ADAMTS19: variants seen among roughly 807,000 people sequenced by gnomAD.
ADAMTS19 encodes A disintegrin and metalloproteinase with thrombospondin motifs 19.
ADAMTS19 carries 93 observed loss-of-function variants against 153.3 expected under a neutral mutation model. The ratio of observed to expected loss-of-function variants is 0.61; its 90% CI spans 0.51 to 0.72. The LOEUF is 0.72. Ranked by LOEUF, ADAMTS19 falls within the 30% of genes least tolerant of loss-of-function variation. The pLI is 0.00. For missense variants in ADAMTS19, 1,482 were observed against 1,552.1 expected, an observed-to-expected ratio of 0.95 and a Z score of 0.76; for synonymous variants, 600 against 556.6, an observed-to-expected ratio of 1.08 and a Z score of -1.10.
At chr5:129,505,706 G>C (rs558982968) in intron 2 of ADAMTS19, among the ~76,000 whole-genome samples, 1 of 152,070 alleles carries the variant, frequency 6.6e-6, no homozygotes, top group East Asian at 1.9e-4. Context: ...GCAAAATATG[G>C]AAATTCTTAC....
intron 15 of ADAMTS19, among the ~76,000 whole-genome samples, chr5:129,660,356 T>C (rs1753768769): frequency 6.6e-6 from 1 of 152,170 alleles, no homozygotes; most frequent in African/African-American, 2.4e-5. Flanking sequence ...TAATAAGCTT[T>C]TTCTGCCTGA....
chr5:129,634,105 G>A (rs1468068479), intron 10 of ADAMTS19, among the ~76,000 whole-genome samples: 3 of 152,160 alleles, frequency 2.0e-5, no homozygotes, highest in South Asian at 2.1e-4. Context: ...GGTTAAAGCT[G>A]CAAAGATGAT....
chr5:129,658,585 AT>A, intron 14 of ADAMTS19, 31 bp from the exon 15 acceptor site: 2 of 1,606,272 alleles, frequency 1.2e-6, no homozygotes. Flanking sequence ...GAATACTGCT[AT>A]TTATGATGTG....
In ADAMTS19 at chr5:129,460,541, C is replaced by T. The variant is rs2112859623; in HGVS notation, c.91+59C>T. 5.6e-6 allele frequency: 9 copies of T among 1,600,054 alleles called. No homozygotes were observed. The East Asian group carries it at 8.9e-5, about 16-fold the overall frequency. On this transcript the variant is annotated intron_variant, in intron 1 of 22. Transcript: ENST00000274487. ...CAGCCATCCCAGCGGAGACCGCGAA[C>T]GTACGGGTCGGCAGGGCTGGTGCAA...
chr5:129,549,385 GAGAT>G (rs1257931891), intron 6 of ADAMTS19, among the ~76,000 whole-genome samples: 2 of 151,440 alleles, frequency 1.3e-5, no homozygotes, highest in East Asian at 1.9e-4. Context: ...CAAAATGAAA[GAGAT>G]AGGACAAGCA....
intron 6 of ADAMTS19, among the ~76,000 whole-genome samples, chr5:129,540,236 G>C (rs144088514): frequency 0.013 from 1,949 of 152,110 alleles, 42 homozygotes; most frequent in African/African-American, 0.045. Flanking sequence ...TTTTAGCTCA[G>C]GGGTCAAGTT....
At position 129,620,598 on chromosome 5, in the gene ADAMTS19, T is replaced by G; in HGVS notation, c.1479-20T>G. ...ATTTACTTAGTGTAAATTTTAAAAT[T>G]TTATTATATTCCAAATCAGCATGGG... On this transcript the variant is annotated intron_variant, in intron 8 of 22. Coordinates refer to ENST00000274487, the MANE Select transcript of ADAMTS19 (RefSeq NM_133638.6). 6.6e-7 allele frequency: 1 copy of G among 1,519,660 alleles called. No individual in the cohort carries two copies. The highest frequency in any genetic ancestry group is 1.4e-5 in the South Asian group (1 of 72,610). 94.1% of individuals were successfully genotyped at this position (1,519,660 alleles called of 1,614,324 possible).
chr5:129,619,113 A>AT (rs1751663412), intron 8 of ADAMTS19, among the ~76,000 whole-genome samples: 1 of 151,958 alleles, frequency 6.6e-6, no homozygotes, highest in Non-Finnish European at 1.5e-5. Context: ...AACTGCATTA[A>AT]TGTTGATGAT....
intron 21 of ADAMTS19, among the ~76,000 whole-genome samples, chr5:129,731,736 A>G (rs1757452051): frequency 6.6e-6 from 1 of 152,132 alleles, no homozygotes; most frequent in Admixed American, 6.6e-5. Flanking sequence ...GTGACTTAGG[A>G]AAATACAGGG....
At chr5:129,502,971 A>G (rs1290750700) in intron 2 of ADAMTS19, among the ~76,000 whole-genome samples, 1 of 152,188 alleles carries the variant, frequency 6.6e-6, no homozygotes, top group Non-Finnish European at 1.5e-5. Flanking sequence ...TGGAGAAAGG[A>G]CAGGGTCTGC....
At chr5:129,631,011 A>C (rs1249421613) in intron 10 of ADAMTS19, among the ~76,000 whole-genome samples, 3 of 152,044 alleles carry the variant, frequency 2.0e-5, no homozygotes, top group Non-Finnish European at 4.4e-5. Flanking sequence ...AATGCAAATT[A>C]AAACCATAAA....
intron 13 of ADAMTS19, among the ~76,000 whole-genome samples, chr5:129,650,152 C>T (rs1428137590): frequency 1.3e-5 from 2 of 152,144 alleles, no homozygotes; most frequent in Non-Finnish European, 2.9e-5. Context: ...GCCTGGGTGA[C>T]AGAGTGAGAC....
chr5:129,565,802 G>A (rs1753685329), intron 7 of ADAMTS19, among the ~76,000 whole-genome samples: 1 of 152,020 alleles, frequency 6.6e-6, no homozygotes, highest in African/African-American at 2.4e-5. Context: ...TCCAAATCTG[G>A]ATGTGAAGGG....
In ADAMTS19 at chr5:129,466,918, G is replaced by A. The variant is rs182123271; in HGVS notation, c.747+5161G>A. ...GGAATTAAAAATAAAGACATGGAAAGCAGTTTATGTGTAGAATGCTTGATT... is the reference window on the plus strand; with the variant it reads ...GGAATTAAAAATAAAGACATGGAAAACAGTTTATGTGTAGAATGCTTGATT... On this transcript the variant is annotated intron_variant, in intron 2 of 22. Coordinates refer to ENST00000274487, the MANE Select transcript of ADAMTS19 (RefSeq NM_133638.6). 3.2e-4 allele frequency among the ~76,000 whole-genome samples: 49 copies of A among 152,238 alleles called. No individual in the cohort carries two copies. In the East Asian group the frequency reaches 9.1e-3, roughly 28 times the overall value.
intron 6 of ADAMTS19, among the ~76,000 whole-genome samples, chr5:129,530,864 A>T (rs1353128074): frequency 1.3e-5 from 2 of 152,126 alleles, no homozygotes; most frequent in African/African-American, 4.8e-5. Flanking sequence ...AAAAGAAAAA[A>T]TGTCTCTTAT....
intron 11 of ADAMTS19, among the ~76,000 whole-genome samples, chr5:129,646,390 T>C (rs1753068600): frequency 6.6e-6 from 1 of 152,152 alleles, no homozygotes; most frequent in Admixed American, 6.5e-5. Flanking sequence ...TTTTATGGCC[T>C]ATAAAAGTAA....
intron 7 of ADAMTS19, among the ~76,000 whole-genome samples, chr5:129,560,452 G>T (rs186203194): frequency 6.6e-6 from 1 of 152,110 alleles, no homozygotes; most frequent in Non-Finnish European, 1.5e-5. Flanking sequence ...GTCCCAGTGC[G>T]ATGGCTAAGG....
intron 11 of ADAMTS19, among the ~76,000 whole-genome samples, chr5:129,646,534 A>C (rs143147611): frequency 6.6e-6 from 1 of 152,340 alleles, no homozygotes; most frequent in East Asian, 1.9e-4. Context: ...AATTTTGCTT[A>C]GATTTCTGAA....
chr5:129,727,275 T>C (rs1374424859), intron 21 of ADAMTS19, among the ~76,000 whole-genome samples: 1 of 152,184 alleles, frequency 6.6e-6, no homozygotes, highest in Non-Finnish European at 1.5e-5. Flanking sequence ...GCAAAAATTA[T>C]TATCAGCAAC....
Sources: gnomAD v4.1 joint callset for allele counts (sites outside exome capture counted in the v4.1 genomes callset) on GRCh38, gnomAD v4.1.1 for gene constraint, MANE v1.5 for transcripts, NCBI Gene and HGNC (gene_info 2026-07-23, HGNC 2026-07-21) for gene names.